The following LINS1 variants were observed in gnomAD, a reference collection of about 807,000 sequenced individuals.
LINS1 encodes protein Lines homolog 1.
LINS1 carries 27 observed loss-of-function variants against 41.6 expected under a neutral mutation model. That is an observed-to-expected ratio of 0.65 (90% CI 0.48 to 0.89). The LOEUF (loss-of-function observed/expected upper bound fraction) is 0.89. Ranked by LOEUF, LINS1 falls within the 40% of genes least tolerant of loss-of-function variation. The pLI is 0.00. For missense variants in LINS1, 955 were observed against 884.1 expected (o/e 1.08, Z -1.02); for synonymous variants, 336 against 312.9 (o/e 1.07, Z -0.78).
At chr15:100,577,728 C>T (rs1449887710) in intron 3 of LINS1, among the ~76,000 whole-genome samples, 1 of 152,124 alleles carries the variant, frequency 6.6e-6, no homozygotes. Context: ...CAATCCTAAG[C>T]CAAAAGAACA....
At chr15:100,574,318 A>G in intron 4 of LINS1, 77 bp from the exon 5 acceptor site, 1 of 962,892 alleles carries the variant, frequency 1.0e-6, no homozygotes, top group Non-Finnish European at 1.6e-6. Flanking sequence ...CTTTTTATAA[A>G]TATCACTTTT....
At chr15:100,571,824 A>G in intron 6 of LINS1, 70 bp downstream of exon 6, 1 of 1,556,700 alleles carries the variant, frequency 6.4e-7, no homozygotes, top group Non-Finnish European at 8.8e-7. Context: ...CACGCCCAGC[A>G]CATTCTCAGA....
rs765487446 is a variant in LINS1 at position 100,569,654 on chromosome 15, G to A, written c.1858C>T (p.Pro620Ser). Residue 620 changes from proline (P) to serine (S), a missense_variant, in exon 7 of 7, where the codon CCC (proline) becomes TCC (serine). Coordinates refer to ENST00000314742, the MANE Select transcript of LINS1 (RefSeq NM_001040616.3). ...HTMCASSLSS[P>S]RASQSLVDYD... ...TCTACCAGACTTTGAGAGGCCCGGG[G>A]GGAAGACAGACTAGAAGCACACATG... 14 of 1,613,296 alleles carry A rather than the reference G, an allele frequency of 8.7e-6. No homozygotes were observed. The African/African-American group carries it at 1.9e-4, about 22-fold the overall frequency.
At chr15:100,570,608 G>A (rs2037770729) in intron 6 of LINS1, 1 of 153,550 alleles carries the variant, frequency 6.5e-6, no homozygotes, top group African/African-American at 2.4e-5. Flanking sequence ...TAACTGTAAG[G>A]CTGAGGTACG....
intron 5 of LINS1, chr15:100,572,941 G>C: frequency 1.8e-6 from 1 of 556,258 alleles, no homozygotes. Flanking sequence ...GAGACGAGAG[G>C]ATCACTTCAG....
At position 100,569,478 on chromosome 15, in the gene LINS1, T is replaced by C. The variant is rs1047320; in HGVS notation, c.2034A>G (p.Pro678=). The change falls in exon 7 of 7, where the codon CCA becomes CCG. Residue 678 remains proline (P), a synonymous_variant. Transcript: ENST00000314742. ...RDKKEFSLEP[P]SRPLVLKEFD... ...ATTCTTTCAGAACCAGAGGCCTTGA[T>C]GGAGGCTCAAGGCTAAATTCTTTTT... 33,625 of 1,614,172 alleles carry C rather than the reference T, an allele frequency of 0.021. 424 individuals are homozygous for C. Among genetic ancestry groups the C allele is most frequent in the Non-Finnish European group, 0.024 (28,603 of 1,180,022 alleles).
chr15:100,580,171 G>A (rs1251314758), intron 3 of LINS1, 92 bp downstream of exon 3: 2 of 974,330 alleles, frequency 2.1e-6, no homozygotes, highest in Non-Finnish European at 3.2e-6. Flanking sequence ...ATCAGATTGG[G>A]CAACACAGTG....
intron 1 of LINS1, among the ~76,000 whole-genome samples, chr15:100,590,465 G>T (rs2038985842): frequency 1.3e-5 from 2 of 152,128 alleles, no homozygotes; most frequent in African/African-American, 4.8e-5. Flanking sequence ...AACATTGCTA[G>T]GAGGCCTTCA....
In LINS1 at chr15:100,568,199, A is replaced by C. The variant is rs1025195525; in HGVS notation, c.*1039T>G. The C allele has an allele frequency of 6.6e-6, 1 of 152,172 alleles. No individual in the cohort carries two copies. Among genetic ancestry groups the C allele is most frequent in the East Asian group, 1.9e-4 (1 of 5,200 alleles). The allele number at this position is 152,172 out of a possible 1,614,324, so 9.4% of individuals were successfully genotyped here. ...TTCATACAGTAGGCCAGGTATAATCACTTCTCAAAGAAACGGCTAAGATTT... is the reference window on the plus strand; with the variant it reads ...TTCATACAGTAGGCCAGGTATAATCCCTTCTCAAAGAAACGGCTAAGATTT... On this transcript the variant is annotated 3_prime_UTR_variant, in exon 7 of 7. Transcript: ENST00000314742.
At chr15:100,593,331 C>A (rs193139512) in intron 1 of LINS1, among the ~76,000 whole-genome samples, 1 of 152,046 alleles carries the variant, frequency 6.6e-6, no homozygotes, top group African/African-American at 2.4e-5. Flanking sequence ...TAAGGGTTAC[C>A]CATATTAAGT....
intron 5 of LINS1, 161 bp downstream of exon 5, chr15:100,573,490 C>A: frequency 2.5e-6 from 2 of 796,842 alleles, no homozygotes; most frequent in African/African-American, 1.8e-5. Context: ...AAGGTAAATC[C>A]AGTTCTTTTT....
At chr15:100,589,419 T>C (rs867495094) in intron 1 of LINS1, among the ~76,000 whole-genome samples, 87 of 152,198 alleles carry the variant, frequency 5.7e-4, no homozygotes, top group African/African-American at 2.1e-3. Flanking sequence ...AACTCCACGA[T>C]CTAAGTCAAT....
intron 3 of LINS1, 26 bp downstream of exon 3, chr15:100,580,237 T>A (rs955848725): frequency 6.7e-7 from 1 of 1,482,424 alleles, no homozygotes; most frequent in African/African-American, 1.4e-5. Context: ...AGAGAAATAA[T>A]AACATACTTT....
intron 5 of LINS1, chr15:100,573,412 T>C (rs2037955895): frequency 8.6e-7 from 1 of 1,166,632 alleles, no homozygotes; most frequent in African/African-American, 1.6e-5. Context: ...CAGCAACTTT[T>C]TTAAACCTAA....
chr15:100,572,188 A>C (rs1433188588), intron 5 of LINS1, 123 bp from the exon 6 acceptor site: 2 of 1,518,532 alleles, frequency 1.3e-6, no homozygotes, highest in Non-Finnish European at 1.8e-6. Context: ...TCACTTTCAA[A>C]AAGTCATCAG....
intron 3 of LINS1, among the ~76,000 whole-genome samples, chr15:100,578,964 G>T (rs1323144925): frequency 1.3e-5 from 2 of 151,600 alleles, no homozygotes; most frequent in Non-Finnish European, 2.9e-5. Flanking sequence ...TCATAGGTGG[G>T]AACTGAACAA....
intron 1 of LINS1, among the ~76,000 whole-genome samples, chr15:100,600,612 T>C (rs1053405746): frequency 7.8e-5 from 10 of 128,478 alleles, no homozygotes; most frequent in Non-Finnish European, 1.6e-4. Flanking sequence ...CGAAAGCTAC[T>C]AAAAATTGAT....
At chr15:100,583,528 G>A (rs368588528) in intron 1 of LINS1, among the ~76,000 whole-genome samples, 3 of 152,216 alleles carry the variant, frequency 2.0e-5, no homozygotes, top group Non-Finnish European at 4.4e-5. Flanking sequence ...TGTTGGTAAT[G>A]TTGTTCTATC....
chr15:100,577,577 T>C (rs1447411645), intron 3 of LINS1, among the ~76,000 whole-genome samples: 2 of 152,130 alleles, frequency 1.3e-5, no homozygotes, highest in Admixed American at 1.3e-4. Flanking sequence ...AGAATCAATA[T>C]TGTGAAAATG....
Sources: allele counts gnomAD v4.1 joint callset (sites outside exome capture counted in the v4.1 genomes callset), GRCh38; gene constraint gnomAD v4.1.1; transcripts MANE v1.5; gene names NCBI Gene and HGNC (gene_info 2026-07-23, HGNC 2026-07-21).